The following MNT variants were observed in gnomAD, a reference collection of about 807,000 sequenced individuals.
The protein encoded by MNT is MAX network transcriptional repressor, also known as max-binding protein MNT.
In MNT, 13 loss-of-function variants were observed where a neutral mutation model predicts 40.7. The observed-to-expected ratio is 0.32, with a 90% CI of 0.21 to 0.51. MNT has a LOEUF of 0.51. Ranked by LOEUF, MNT falls within the 20% of genes least tolerant of loss-of-function variation. The pLI is 0.98. For synonymous variants in MNT, 426 were observed against 354.8 expected, an observed-to-expected ratio of 1.20 and a Z score of -2.26; for missense variants, 757 against 792.0, an observed-to-expected ratio of 0.96 and a Z score of 0.53.
Position 2,396,944 on chromosome 17 carries a change from C to A in MNT, c.74-1490G>T, listed in dbSNP as rs2066582429. The stretch of plus-strand genomic sequence containing the variant: ...CCTCCCACACTCTTACTGGCTCAGG[C>A]GCCCCAGAAAACCTGAGGCCTCAGG... On this transcript the variant is annotated intron_variant, in intron 1 of 5. Transcript: ENST00000174618. 3 of 152,476 alleles carry A rather than the reference C, an allele frequency of 2.0e-5. No homozygotes were observed. The South Asian group carries it at 6.2e-4, about 32-fold the overall frequency. The allele number at this position is 152,476 out of a possible 1,614,324, so 9.4% of individuals were successfully genotyped here.
intron 1 of MNT, among the ~76,000 whole-genome samples, chr17:2,398,794 G>A (rs1007852328): frequency 1.3e-5 from 2 of 152,174 alleles, no homozygotes; most frequent in Non-Finnish European, 2.9e-5. Flanking sequence ...GACATTCTTG[G>A]TCACCAGGGG....
intron 4 of MNT, 155 bp downstream of exon 4, chr17:2,393,888 C>T (rs1013402971): frequency 5.1e-6 from 2 of 389,418 alleles, no homozygotes; most frequent in South Asian, 1.9e-4. Context: ...GCCCCGCTGA[C>T]GTCAGCCGGG....
rs1439718808 is a variant in MNT at position 2,393,208 on chromosome 17, G to C, written c.807+835C>G. Among the ~76,000 whole-genome samples the C allele has an allele frequency of 2.1e-5, 3 of 145,838 alleles. No homozygotes were observed. The East Asian group carries it at 6.6e-4, about 32-fold the overall frequency. On this transcript the variant is annotated intron_variant, in intron 4 of 5. Transcript: ENST00000174618. ...CCTACGGCTCCGCGTCTCCGCGGCT[G>C]CCGGCCCATCCCCCACAGCCTCCGG...
rs772599006 is a variant in MNT, at chr17:2,395,473, AG to A, written c.74-20del. 73 of 1,602,316 alleles carry A rather than the reference AG, an allele frequency of 4.6e-5. 1 individual carries two copies. In the South Asian group the frequency reaches 6.4e-4, roughly 14 times the overall value. ...TGCTCCTCTACACAGAGAGAACACA[AG>A]GGGGGGAGGGTCTCAGCGGGGCCCC... On this transcript the variant is annotated intron_variant, in intron 1 of 5. Transcript: ENST00000174618.
At position 2,387,493 on chromosome 17, in the gene MNT, G is replaced by A. The variant is rs768787755; in HGVS notation, c.1157C>T (p.Pro386Leu). 14 of 1,612,766 alleles carry A rather than the reference G, an allele frequency of 8.7e-6. No individual in the cohort carries two copies. Among genetic ancestry groups the A allele is most frequent in the Non-Finnish European group, 1.2e-5 (14 of 1,179,642 alleles). ...APLPPHPHPHPHSVALPPAHL... is the reference protein window; with the variant it reads ...APLPPHPHPHLHSVALPPAHL... ...GGCAGGAGGTAGGGCCACGGAGTGGGGGTGAGGGTGTGGGTGTGGAGGCAG... is the reference window on the plus strand; with the variant it reads ...GGCAGGAGGTAGGGCCACGGAGTGGAGGTGAGGGTGTGGGTGTGGAGGCAG... The change falls in exon 6 of 6, where the codon CCC becomes CTC. Residue 386 changes from proline (P) to leucine (L), a missense_variant. Physicochemically the swap from Pro to Leu is moderately conservative, Grantham distance 98 (BLOSUM62 -3). This residue lies in a region of MNT where 345 missense variants were observed against 380.1 expected (regional missense o/e 0.91). Transcript: ENST00000174618.
intron 1 of MNT, among the ~76,000 whole-genome samples, chr17:2,398,506 G>A (rs961809409): frequency 3.3e-5 from 5 of 152,200 alleles, no homozygotes; most frequent in African/African-American, 4.8e-5. Context: ...CAGCTCAGAG[G>A]ACAGAACCTC....
chr17:2,394,021 C>A, intron 4 of MNT, 22 bp downstream of exon 4: 1 of 1,535,630 alleles, frequency 6.5e-7, no homozygotes, highest in Non-Finnish European at 8.8e-7. Flanking sequence ...AGCTGCGCGA[C>A]GCCGGCCTCC....
chr17:2,388,167 GC>G, intron 4 of MNT, 118 bp from the exon 5 acceptor site: 1 of 973,764 alleles, frequency 1.0e-6, no homozygotes, highest in Non-Finnish European at 1.5e-6. Context: ...CAACCAGCGG[GC>G]CCAGCCTGAC....
At position 2,386,226 on chromosome 17, in the gene MNT, G is replaced by A. The variant is rs999510040; in HGVS notation, c.*675C>T. On this transcript the variant is annotated 3_prime_UTR_variant, in exon 6 of 6. Transcript: ENST00000174618. ...GGCACAGGAAGCTTGGCAGTGGCTG[G>A]GTTTGGTTTATTGTTGGTAGAGAAT... is the stretch of plus-strand genomic sequence containing the variant. 6.6e-6 allele frequency: 1 copy of A among 152,292 alleles called. No homozygotes were observed. The highest frequency in any genetic ancestry group is 1.5e-5 in the Non-Finnish European group (1 of 68,106). 9.4% of individuals were successfully genotyped at this position (152,292 alleles called of 1,614,324 possible).
At position 2,395,218 on chromosome 17, in the gene MNT, G is replaced by T. The variant is rs772640307; in HGVS notation, c.310C>A (p.Pro104Thr). The change falls in exon 2 of 6, where the codon CCC becomes ACC. Residue 104 changes from proline (P) to threonine (T), a missense_variant. Coordinates refer to ENST00000174618, the MANE Select transcript of MNT (RefSeq NM_020310.3). Reference sequence around the variant, plus strand: ...TGGGCTGCCGCGGGCAAGGGTGGGGGTGGGGGTAGAGGCTGAGGGGAGTTG... The same window carrying T: ...TGGGCTGCCGCGGGCAAGGGTGGGGTTGGGGGTAGAGGCTGAGGGGAGTTG... The part of the protein sequence containing the change: ...VTNSPQPLPP[P>T]PPLPAAAQPL... 6.8e-7 allele frequency: 1 copy of T among 1,477,218 alleles called. No individual in the cohort carries two copies. The highest frequency in any genetic ancestry group is 9.0e-7 in the Non-Finnish European group (1 of 1,114,702). The allele number at this position is 1,477,218 out of a possible 1,614,324, so 91.5% of individuals were successfully genotyped here. A position where few individuals can be genotyped will look rare whatever the true frequency, so the allele number is the denominator to read the frequency against.
chr17:2,385,565 C>T lies in MNT; in HGVS notation c.*1336G>A, dbSNP rs577924407. ...CTAACACAGAGCCCCTGACTCCTCC[C>T]CCTTCCACGCTCAGCCCTGTCCTTG... On this transcript the variant is annotated 3_prime_UTR_variant, in exon 6 of 6. Coordinates refer to ENST00000174618, the MANE Select transcript of MNT (RefSeq NM_020310.3). The T allele has an allele frequency of 3.9e-5, 6 of 152,656 alleles. No individual in the cohort carries two copies. The highest frequency in any genetic ancestry group is 1.4e-4 in the African/African-American group (6 of 41,604). The allele number at this position is 152,656 out of a possible 1,614,324, so 9.5% of individuals were successfully genotyped here.
In MNT at chr17:2,387,347, C is replaced by A; in HGVS notation, c.1303G>T (p.Gly435Trp). 1 of 1,612,420 alleles carries A rather than the reference C, an allele frequency of 6.2e-7. No homozygotes were observed. The highest frequency in any genetic ancestry group is 8.5e-7 in the Non-Finnish European group (1 of 1,179,490). Reference sequence around the variant, plus strand: ...TGGGCGATGACCGTGGAGCCACCCCCAGCCGTCGCCACCAGATGGGCTGGA... The same window carrying A: ...TGGGCGATGACCGTGGAGCCACCCCAAGCCGTCGCCACCAGATGGGCTGGA... ...PAPAHLVATA[G>W]GGSTVIAHTA... is the part of the protein sequence containing the mutation. The change falls in exon 6 of 6, where the codon GGG (glycine) becomes TGG (tryptophan). Residue 435 changes from glycine to tryptophan, a missense_variant. Gly to Trp is a radical substitution (Grantham distance 184). This residue lies in a region of MNT where 345 missense variants were observed against 380.1 expected (regional missense o/e 0.91). Coordinates refer to ENST00000174618, the MANE Select transcript of MNT (RefSeq NM_020310.3).
rs1225730597 is a variant in MNT, at chr17:2,387,321, G to C, written c.1329C>G (p.His443Gln). The change falls in exon 6 of 6, where the codon CAC becomes CAG. Residue 443 changes from histidine (H) to glutamine (Q), a missense_variant. His to Gln is a conservative substitution (Grantham distance 24, BLOSUM62 0). Transcript: ENST00000174618. ...TAGGGSTVIA[H>Q]TATTHASVIQ... Reference sequence around the variant, plus strand: ...TGACTGAAGCGTGAGTGGTGGCTGTGTGGGCGATGACCGTGGAGCCACCCC... The same window carrying C: ...TGACTGAAGCGTGAGTGGTGGCTGTCTGGGCGATGACCGTGGAGCCACCCC... 2 of 1,613,174 alleles carry C rather than the reference G, an allele frequency of 1.2e-6. No homozygotes were observed. Among genetic ancestry groups the C allele is most frequent in the Non-Finnish European group, 1.7e-6 (2 of 1,179,782 alleles).
rs117177619 is a variant in MNT at position 2,392,286 on chromosome 17, G to A, written c.807+1757C>T. On this transcript the variant is annotated intron_variant, in intron 4 of 5. Transcript: ENST00000174618. ...TTGTAGACAGGCCTTTGAGGTTCCT[G>A]CTTCTGTGACCAGCACCAGAATGGG... Among the ~76,000 whole-genome samples the A allele has an allele frequency of 6.6e-4, 101 of 152,324 alleles. No homozygotes were observed. The East Asian group carries it at 0.018, about 28-fold the overall frequency.
At chr17:2,395,479 G>C in intron 1 of MNT, 25 bp from the exon 2 acceptor site, 3 of 1,608,174 alleles carry the variant, frequency 1.9e-6, no homozygotes, top group Non-Finnish European at 2.5e-6. Context: ...CACAAGGGGG[G>C]GAGGGTCTCA....
chr17:2,396,901 T>G (rs142948118), intron 1 of MNT: 3 of 152,272 alleles, frequency 2.0e-5, no homozygotes, highest in Non-Finnish European at 4.4e-5. Context: ...TAAGGCCCCC[T>G]GGGGAGGAGA....
chr17:2,388,200 C>A lies in MNT; in HGVS notation c.808-151G>T, dbSNP rs145133247. The A allele has an allele frequency of 3.7e-3, 2,568 of 686,936 alleles. 10 individuals carry two copies. Among genetic ancestry groups the A allele is most frequent in the Non-Finnish European group, 5.2e-3 (2,167 of 416,238 alleles). The allele number at this position is 686,936 out of a possible 1,614,324, so 42.6% of individuals were successfully genotyped here. On this transcript the variant is annotated intron_variant, in intron 4 of 5. Transcript: ENST00000174618. ...TGACGGGGGCTGCTGGAGACCGCAC[C>A]TGTTGTGGTCCATGCCCCTGCCCAG...
intron 3 of MNT, 56 bp downstream of exon 3, chr17:2,394,249 G>C: frequency 2.5e-6 from 4 of 1,592,632 alleles, no homozygotes; most frequent in Non-Finnish European, 3.4e-6. Context: ...GGGCCGCCGG[G>C]GCCCGGGTCG....
chr17:2,386,986 G>C lies in MNT; in HGVS notation c.1664C>G (p.Pro555Arg). Reference sequence around the variant, plus strand: ...GAGCACGGTCTGGCCCACCAGCTGGGGGTGGTGCACCACCTGAGCCCCCAC... The same window carrying C: ...GAGCACGGTCTGGCCCACCAGCTGGCGGTGGTGCACCACCTGAGCCCCCAC... ...PAVGAQVVHHPQLVGQTVLNP... is the reference protein window; with the variant it reads ...PAVGAQVVHHRQLVGQTVLNP... Residue 555 changes from proline (P) to arginine (R), a missense_variant, in exon 6 of 6, where the codon CCC becomes CGC. Around this residue, in one of 4 missense-constraint regions of MNT, gnomAD observed 345 missense variants for 380.1 expected, o/e 0.91. Transcript: ENST00000174618. 2 of 1,526,870 alleles carry C rather than the reference G, an allele frequency of 1.3e-6. No individual in the cohort carries two copies. The highest frequency in any genetic ancestry group is 1.8e-6 in the Non-Finnish European group (2 of 1,134,242). 94.6% of individuals were successfully genotyped at this position (1,526,870 alleles called of 1,614,324 possible). A position where few individuals can be genotyped will look rare whatever the true frequency, so the allele number is the denominator to read the frequency against.
Sources: allele counts gnomAD v4.1 joint callset (sites outside exome capture counted in the v4.1 genomes callset), GRCh38; gene constraint gnomAD v4.1.1; regional missense constraint gnomAD v4.1.1; transcripts MANE v1.5; gene names NCBI Gene and HGNC (gene_info 2026-07-23, HGNC 2026-07-21).